The following TSHZ2 variants were observed in gnomAD, a reference collection of about 807,000 sequenced individuals.
TSHZ2 encodes the protein teashirt zinc finger homeobox 2.
In TSHZ2, 21 loss-of-function variants were observed where a neutral mutation model predicts 74.4. That is an observed-to-expected ratio of 0.28 (90% CI 0.20 to 0.41). The LOEUF (loss-of-function observed/expected upper bound fraction) is 0.41. TSHZ2 is among the 10% of genes least tolerant of loss of function. The pLI, the probability that TSHZ2 is intolerant of heterozygous loss-of-function variation, is 1.00. For synonymous variants in TSHZ2, 540 were observed against 515.3 expected, an observed-to-expected ratio of 1.05 and a Z score of -0.65; for missense variants, 1,244 against 1,293.5, an observed-to-expected ratio of 0.96 and a Z score of 0.59.
intron 1 of TSHZ2, among the ~76,000 whole-genome samples, chr20:52,973,680 C>T (rs1385884217): frequency 6.6e-6 from 1 of 152,194 alleles, no homozygotes; most frequent in Non-Finnish European, 1.5e-5. Flanking sequence ...AGCCCCTCCA[C>T]CCCTGCATCC....
chr20:53,180,259 C>T (rs541933504), intron 1 of TSHZ2, among the ~76,000 whole-genome samples: 1 of 152,246 alleles, frequency 6.6e-6, no homozygotes, highest in Admixed American at 6.5e-5. Context: ...TACCAAAATC[C>T]ATCTTTCATT....
At chr20:53,076,756 A>G (rs1029066992) in intron 1 of TSHZ2, among the ~76,000 whole-genome samples, 3 of 152,238 alleles carry the variant, frequency 2.0e-5, no homozygotes, top group Non-Finnish European at 2.9e-5. Context: ...TGCACATTCA[A>G]TGAACTTAGG....
chr20:52,985,906 A>G (rs1350672319), intron 1 of TSHZ2, among the ~76,000 whole-genome samples: 2 of 152,210 alleles, frequency 1.3e-5, no homozygotes, highest in African/African-American at 4.8e-5. Flanking sequence ...TTTTCCTACC[A>G]TGAGTGGTAG....
chr20:53,165,822 T>C (rs1332483084), intron 1 of TSHZ2, among the ~76,000 whole-genome samples: 2 of 152,198 alleles, frequency 1.3e-5, no homozygotes, highest in Non-Finnish European at 2.9e-5. Flanking sequence ...CAGCCACCCT[T>C]GACTGCCCAT....
intron 1 of TSHZ2, among the ~76,000 whole-genome samples, chr20:53,180,584 CTG>C (rs1293190537): frequency 3.3e-5 from 5 of 152,122 alleles, no homozygotes; most frequent in Admixed American, 3.3e-4. Flanking sequence ...CTGGAGAACT[CTG>C]TAGTTCTAAA....
chr20:53,197,401 CTA>C (rs768960470), intron 1 of TSHZ2, among the ~76,000 whole-genome samples: 1 of 152,146 alleles, frequency 6.6e-6, no homozygotes, highest in Non-Finnish European at 1.5e-5. Flanking sequence ...TTTAACAAAA[CTA>C]TGTTTTCTTT....
chr20:53,330,802 G>T (rs1979694435), intron 2 of TSHZ2, among the ~76,000 whole-genome samples: 1 of 152,226 alleles, frequency 6.6e-6, no homozygotes, highest in Non-Finnish European at 1.5e-5. Context: ...AAAGAGAAAG[G>T]TGACGTTCGG....
chr20:53,107,469 C>T (rs1986409930), intron 1 of TSHZ2, among the ~76,000 whole-genome samples: 1 of 152,214 alleles, frequency 6.6e-6, no homozygotes. Flanking sequence ...TAAGCAGCAC[C>T]TCCTAACCTG....
chr20:53,058,749 T>C (rs567888814), intron 1 of TSHZ2, among the ~76,000 whole-genome samples: 2 of 152,336 alleles, frequency 1.3e-5, no homozygotes, highest in African/African-American at 4.8e-5. Flanking sequence ...AGGTGGCAAA[T>C]GTCTGTAAGA....
chr20:53,067,930 G>A (rs967647583), intron 1 of TSHZ2, among the ~76,000 whole-genome samples: 40 of 152,284 alleles, frequency 2.6e-4, no homozygotes, highest in African/African-American at 9.6e-4. Flanking sequence ...ACCCTTCCTT[G>A]CCTCTTCCAG....
At chr20:53,307,891 GA>G (rs1978612614) in intron 2 of TSHZ2, among the ~76,000 whole-genome samples, 1 of 152,112 alleles carries the variant, frequency 6.6e-6, no homozygotes, top group Admixed American at 6.5e-5. Flanking sequence ...AATCAGATTG[GA>G]ACGCTACTGG....
chr20:53,484,621 T>A (rs1382677782), intron 2 of TSHZ2, among the ~76,000 whole-genome samples: 1 of 151,930 alleles, frequency 6.6e-6, no homozygotes, highest in South Asian at 2.1e-4. Context: ...CATAGCCTCA[T>A]GTGATCCGCC....
chr20:53,210,648 C>T (rs747354715), intron 1 of TSHZ2, among the ~76,000 whole-genome samples: 3 of 151,818 alleles, frequency 2.0e-5, no homozygotes, highest in Non-Finnish European at 4.4e-5. Flanking sequence ...ATATGGAGGA[C>T]CAAAAAGCAA....
intron 2 of TSHZ2, among the ~76,000 whole-genome samples, chr20:53,466,412 G>A (rs751614726): frequency 5.3e-5 from 8 of 152,118 alleles, no homozygotes; most frequent in East Asian, 1.9e-4. Context: ...AGTGAATCTC[G>A]TTGGGCTGTA....
At chr20:53,155,017 CTT>C (rs1987760289) in intron 1 of TSHZ2, among the ~76,000 whole-genome samples, 2 of 146,176 alleles carry the variant, frequency 1.4e-5, no homozygotes, top group African/African-American at 5.0e-5. Context: ...ATGTGTGAGA[CTT>C]TTGTTTCTTC....
At chr20:53,004,096 A>G (rs1311186640) in intron 1 of TSHZ2, among the ~76,000 whole-genome samples, 1 of 151,916 alleles carries the variant, frequency 6.6e-6, no homozygotes, top group Non-Finnish European at 1.5e-5. Context: ...CTAGTATAAT[A>G]TCTGTGGGCT....
chr20:53,020,657 G>A (rs941778076), intron 1 of TSHZ2, among the ~76,000 whole-genome samples: 1 of 152,298 alleles, frequency 6.6e-6, no homozygotes, highest in South Asian at 2.1e-4. Context: ...TGCAGGAATT[G>A]CCAAGAGCAA....
chr20:53,481,134 T>C (rs1986136713), intron 2 of TSHZ2, among the ~76,000 whole-genome samples: 2 of 152,230 alleles, frequency 1.3e-5, no homozygotes, highest in African/African-American at 4.8e-5. Flanking sequence ...ATCTGTTCTA[T>C]GCAATTCATT....
intron 1 of TSHZ2, among the ~76,000 whole-genome samples, chr20:53,025,773 C>T (rs1448775230): frequency 6.6e-6 from 1 of 152,216 alleles, no homozygotes; most frequent in African/African-American, 2.4e-5. Context: ...CTCTGCAGTG[C>T]ACACAGGCCC....
Sources: allele counts gnomAD v4.1 joint callset (sites outside exome capture counted in the v4.1 genomes callset), GRCh38; gene constraint gnomAD v4.1.1; transcripts MANE v1.5; gene names NCBI Gene and HGNC (gene_info 2026-07-23, HGNC 2026-07-21).